The following MALRD1 variants were observed in gnomAD, a reference collection of about 807,000 sequenced individuals.
MALRD1 encodes MAM and LDL receptor class A domain containing 1.
MALRD1 carries 247 observed loss-of-function variants against 242.1 expected under a neutral mutation model. The observed-to-expected ratio is 1.02, with a 90% CI of 0.92 to 1.13. The LOEUF (loss-of-function observed/expected upper bound fraction) is 1.13. Ranked by LOEUF, MALRD1 falls within the 50% of genes most tolerant of loss-of-function variation. The pLI is 0.00. For missense variants in MALRD1, 2,989 were observed against 2,533.1 expected (o/e 1.18, Z -3.86); for synonymous variants, 995 against 866.6 (o/e 1.15, Z -2.60).
Position 19,662,704 on chromosome 10 carries a change from A to G in MALRD1, c.6138-29578A>G, listed in dbSNP as rs80353187. ...TTTGCACCATTTTGTGCATTTCTGT[A>G]TATAACTTTGGAAAACATGATCCTG... On this transcript the variant is annotated intron_variant, in intron 36 of 39. Transcript: ENST00000454679. Among the ~76,000 whole-genome samples, 909 of 152,284 alleles carry G rather than the reference A, an allele frequency of 6.0e-3. 8 individuals are homozygous for G. The highest frequency in any genetic ancestry group is 0.021 in the African/African-American group (861 of 41,572).
At chr10:19,328,807 T>A (rs2130912727) in intron 23 of MALRD1, among the ~76,000 whole-genome samples, 1 of 152,276 alleles carries the variant, frequency 6.6e-6, no homozygotes, top group South Asian at 2.1e-4. Context: ...AAAGACTGAA[T>A]ATCAGTTTCA....
intron 32 of MALRD1, among the ~76,000 whole-genome samples, chr10:19,547,503 T>C (rs1021819871): frequency 5.9e-5 from 9 of 151,780 alleles, no homozygotes; most frequent in Non-Finnish European, 4.4e-5. Context: ...AAACCACATC[T>C]GAAATTATTA....
At chr10:19,272,707 G>A (rs560346372) in intron 19 of MALRD1, among the ~76,000 whole-genome samples, 25 of 152,072 alleles carry the variant, frequency 1.6e-4, no homozygotes, top group Admixed American at 7.9e-4. Flanking sequence ...CACAGGCTCC[G>A]GTGTGTAATA....
At chr10:19,617,720 A>G (rs1315365443) in intron 36 of MALRD1, among the ~76,000 whole-genome samples, 3 of 152,022 alleles carry the variant, frequency 2.0e-5, no homozygotes, top group African/African-American at 7.2e-5. Flanking sequence ...ACACATACAC[A>G]CACAATTTTA....
chr10:19,611,363 C>T (rs1838886292), intron 35 of MALRD1, among the ~76,000 whole-genome samples: 1 of 151,942 alleles, frequency 6.6e-6, no homozygotes, highest in East Asian at 1.9e-4. Flanking sequence ...AAAATGAAGG[C>T]TTACTTGCAA....
intron 31 of MALRD1, among the ~76,000 whole-genome samples, chr10:19,517,402 C>G (rs1362281182): frequency 1.3e-5 from 2 of 152,168 alleles, no homozygotes; most frequent in Non-Finnish European, 2.9e-5. Flanking sequence ...AGTTTGAAAT[C>G]TCTCAGTTTG....
intron 14 of MALRD1, 135 bp downstream of exon 14, chr10:19,175,463 A>AATATATATATATATATATATATATATAT (rs376874358): frequency 7.0e-4 from 141 of 202,720 alleles, no homozygotes; most frequent in East Asian, 3.9e-3. Context: ...TGAAACCTAA[A>AATATATATATATATATATATATATATAT]ATATATATAT....
chr10:19,132,780 C>T (rs1471850249), intron 8 of MALRD1, among the ~76,000 whole-genome samples: 2 of 151,924 alleles, frequency 1.3e-5, no homozygotes, highest in Admixed American at 1.3e-4. Context: ...ACATTATGAA[C>T]AATTTGTTCT....
intron 28 of MALRD1, among the ~76,000 whole-genome samples, chr10:19,421,457 G>A (rs764799292): frequency 1.3e-5 from 2 of 152,134 alleles, no homozygotes; most frequent in African/African-American, 2.4e-5. Context: ...TATAATTTCT[G>A]GTTAGAGGCT....
chr10:19,238,537 TATATAATATATA>T, intron 18 of MALRD1, among the ~76,000 whole-genome samples: 1 of 74,080 alleles, frequency 1.3e-5, no homozygotes, highest in East Asian at 2.9e-4. Flanking sequence ...ATATACATTA[TATATAATATATA>T]ATGTATATTA....
intron 36 of MALRD1, among the ~76,000 whole-genome samples, chr10:19,641,017 C>T (rs540123057): frequency 2.0e-5 from 3 of 152,080 alleles, no homozygotes; most frequent in Non-Finnish European, 4.4e-5. Context: ...TGGATATTCA[C>T]TTTTACTAAT....
chr10:19,440,309 T>A (rs749290277), intron 28 of MALRD1, among the ~76,000 whole-genome samples: 2 of 152,150 alleles, frequency 1.3e-5, no homozygotes, highest in African/African-American at 2.4e-5. Context: ...TTATTTTTGT[T>A]CTTATGAGGG....
At chr10:19,149,552 A>T (rs149423277) in intron 11 of MALRD1, among the ~76,000 whole-genome samples, 1 of 152,100 alleles carries the variant, frequency 6.6e-6, no homozygotes, top group Non-Finnish European at 1.5e-5. Flanking sequence ...ATTCAAAATT[A>T]TATGTGTTTC....
At position 19,615,921 on chromosome 10, in the gene MALRD1, T is replaced by C. The variant is rs984931876; in HGVS notation, c.6135T>C (p.Cys2045=). Residue 2045 remains cysteine (C), a splice_region_variant and synonymous_variant, in exon 36 of 40, where the codon TGT becomes TGC. Coordinates refer to ENST00000454679, the MANE Select transcript of MALRD1 (RefSeq NM_001142308.3). ...TAGTGGAGAAAAATGGTCCTATGTG[T>C]CGGTAAGAAGCATTGTTTAATTTTT... is the stretch of plus-strand genomic sequence containing the variant. ...TCVVEKNGPM[C]RCRQGWKGNR... The C allele has an allele frequency of 6.6e-7, 1 of 1,525,016 alleles. No individual in the cohort carries two copies. Among genetic ancestry groups the C allele is most frequent in the African/African-American group, 1.4e-5 (1 of 70,868 alleles). The allele number at this position is 1,525,016 out of a possible 1,614,324, so 94.5% of individuals were successfully genotyped here. A position where few individuals can be genotyped will look rare whatever the true frequency, so the allele number is the denominator to read the frequency against.
intron 8 of MALRD1, among the ~76,000 whole-genome samples, chr10:19,129,624 G>A (rs1487444967): frequency 1.3e-5 from 2 of 151,748 alleles, no homozygotes; most frequent in African/African-American, 4.8e-5. Context: ...CTGGTGATGA[G>A]TCCCATAAGA....
chr10:19,672,302 G>C (rs984494878), intron 36 of MALRD1, among the ~76,000 whole-genome samples: 3 of 150,910 alleles, frequency 2.0e-5, no homozygotes, highest in Non-Finnish European at 4.4e-5. Flanking sequence ...ATTACTACCA[G>C]CTCTTTAGAC....
intron 29 of MALRD1, among the ~76,000 whole-genome samples, chr10:19,470,333 A>G (rs1471949003): frequency 6.6e-6 from 1 of 151,874 alleles, no homozygotes; most frequent in African/African-American, 2.4e-5. Context: ...CATTTTCTTT[A>G]TGCATTCATC....
In MALRD1 at chr10:19,323,956, A is replaced by T. The variant is rs935816767; in HGVS notation, c.3427A>T (p.Thr1143Ser). The T allele has an allele frequency of 2.7e-5, 42 of 1,550,644 alleles. No individual in the cohort carries two copies. The highest frequency in any genetic ancestry group is 3.1e-5 in the Non-Finnish European group (35 of 1,146,830). ...RPSVDHTQNT[T>S]DGWYLYADSS... ...GATAAATTCCTTTTCCAGAAATACC[A>T]CTGATGGCTGGTACCTGTATGCTGA... Residue 1143 changes from threonine to serine, a missense_variant, in exon 22 of 40, where the codon ACT becomes TCT. Thr to Ser is a moderately conservative substitution (Grantham distance 58). Transcript: ENST00000454679.
intron 28 of MALRD1, among the ~76,000 whole-genome samples, chr10:19,427,770 T>A (rs1183900210): frequency 6.6e-6 from 1 of 152,098 alleles, no homozygotes; most frequent in Non-Finnish European, 1.5e-5. Flanking sequence ...ATTATTATAA[T>A]TTATATATAG....
Sources: gnomAD v4.1 joint callset for allele counts (sites outside exome capture counted in the v4.1 genomes callset) on GRCh38, gnomAD v4.1.1 for gene constraint, MANE v1.5 for transcripts, NCBI Gene and HGNC (gene_info 2026-07-23, HGNC 2026-07-21) for gene names.